Variants in NCAM1 observed in about 807,000 individuals in gnomAD.
The protein encoded by NCAM1 is antigen recognized by monoclonal antibody 5.1H11.
NCAM1 carries 14 observed loss-of-function variants against 109.8 expected under a neutral mutation model. The ratio of observed to expected loss-of-function variants is 0.13; its 90% CI spans 0.08 to 0.20. The LOEUF is 0.20. NCAM1 is among the 10% of genes least tolerant of loss of function. NCAM1 has a pLI of 1.00. For missense variants in NCAM1, 774 were observed against 1,109.9 expected, an observed-to-expected ratio of 0.70 and a Z score of 4.30; for synonymous variants, 418 against 442.9, an observed-to-expected ratio of 0.94 and a Z score of 0.70.
At chr11:113,117,202 G>A (rs1358017097) in intron 1 of NCAM1, among the ~76,000 whole-genome samples, 2 of 151,994 alleles carry the variant, frequency 1.3e-5, no homozygotes, top group Non-Finnish European at 2.9e-5. Flanking sequence ...AGCAAAAACT[G>A]TTATGAGGGA....
intron 1 of NCAM1, among the ~76,000 whole-genome samples, chr11:113,127,040 A>G (rs1462165756): frequency 6.6e-6 from 1 of 152,178 alleles, no homozygotes; most frequent in African/African-American, 2.4e-5. Context: ...CTATATTCCA[A>G]CATGGAACTC....
chr11:113,022,609 T>A (rs782017721), intron 1 of NCAM1, among the ~76,000 whole-genome samples: 1 of 152,172 alleles, frequency 6.6e-6, no homozygotes, highest in Non-Finnish European at 1.5e-5. Context: ...TGGTGTTAGT[T>A]AGGATTGGGT....
At chr11:113,265,716 T>C (rs1168275575) in intron 17 of NCAM1, among the ~76,000 whole-genome samples, 3 of 152,170 alleles carry the variant, frequency 2.0e-5, no homozygotes, top group Admixed American at 2.0e-4. Flanking sequence ...AAAGGGCTTA[T>C]GAGTGAACCA....
At chr11:113,275,234 T>A in intron 19 of NCAM1, 33 bp from the exon 20 acceptor site, 1 of 1,612,288 alleles carries the variant, frequency 6.2e-7, no homozygotes, top group Non-Finnish European at 8.5e-7. Flanking sequence ...CAGACCGTGG[T>A]CTCAGTGGTT....
intron 11 of NCAM1, 28 bp downstream of exon 11, chr11:113,232,382 C>T: frequency 1.3e-6 from 2 of 1,573,122 alleles, no homozygotes; most frequent in Non-Finnish European, 1.7e-6. Flanking sequence ...TGGGACAGAG[C>T]AGAGAAAGCA....
At chr11:113,180,325 C>T (rs575939238) in intron 1 of NCAM1, among the ~76,000 whole-genome samples, 4 of 152,306 alleles carry the variant, frequency 2.6e-5, no homozygotes, top group East Asian at 3.9e-4. Context: ...TTTAGCGCTA[C>T]AGGGGTATTG....
At chr11:113,145,833 A>AGCAAATAACCCTCTCCGGAG (rs1264965885) in intron 1 of NCAM1, among the ~76,000 whole-genome samples, 1 of 152,040 alleles carries the variant, frequency 6.6e-6, no homozygotes, top group East Asian at 1.9e-4. Flanking sequence ...CACATCTAAA[A>AGCAAATAACCCTCTCCGGAG]GCAAATAACC....
At chr11:113,258,245 A>C (rs782160297) in intron 16 of NCAM1, among the ~76,000 whole-genome samples, 23 of 152,242 alleles carry the variant, frequency 1.5e-4, no homozygotes, top group Admixed American at 6.5e-4. Context: ...TGGGCTGTGC[A>C]ATGGTGAAAC....
chr11:113,250,625 A>G (rs1462832522), intron 15 of NCAM1, among the ~76,000 whole-genome samples: 1 of 152,254 alleles, frequency 6.6e-6, no homozygotes, highest in African/African-American at 2.4e-5. Context: ...ATGATAAACA[A>G]AATGAACAGT....
intron 1 of NCAM1, among the ~76,000 whole-genome samples, chr11:113,177,779 A>G (rs537804347): frequency 6.6e-6 from 1 of 152,256 alleles, no homozygotes; most frequent in Admixed American, 6.5e-5. Flanking sequence ...TGTCATGGGC[A>G]GGGTCAGATT....
intron 1 of NCAM1, among the ~76,000 whole-genome samples, chr11:113,129,003 A>G (rs1171744713): frequency 1.3e-5 from 2 of 152,078 alleles, no homozygotes; most frequent in Admixed American, 1.3e-4. Flanking sequence ...GGGAGATTAT[A>G]TAGAGCAAAA....
At chr11:113,144,070 C>T (rs923702915) in intron 1 of NCAM1, among the ~76,000 whole-genome samples, 2 of 152,180 alleles carry the variant, frequency 1.3e-5, no homozygotes, top group Non-Finnish European at 2.9e-5. Context: ...GTGCGTGTTA[C>T]TGTGTAGCTG....
chr11:113,235,296 G>T, intron 14 of NCAM1, 132 bp downstream of exon 14: 2 of 1,569,500 alleles, frequency 1.3e-6, no homozygotes, highest in African/African-American at 1.3e-5. Flanking sequence ...TGCTCCTGGA[G>T]GCCCCACCTC....
At chr11:113,153,014 T>G (rs1439178818) in intron 1 of NCAM1, among the ~76,000 whole-genome samples, 2 of 152,072 alleles carry the variant, frequency 1.3e-5, no homozygotes, top group African/African-American at 4.8e-5. Context: ...CAGGTGAGGT[T>G]TATATGAGCC....
At chr11:113,275,163 C>G in intron 19 of NCAM1, 104 bp from the exon 20 acceptor site, 1 of 1,457,614 alleles carries the variant, frequency 6.9e-7, no homozygotes, top group Non-Finnish European at 9.2e-7. Flanking sequence ...GGTGCTGTCA[C>G]TGGAGAACCC....
chr11:113,153,036 A>G (rs1942282124), intron 1 of NCAM1, among the ~76,000 whole-genome samples: 1 of 142,696 alleles, frequency 7.0e-6, no homozygotes, highest in Non-Finnish European at 1.5e-5. Flanking sequence ...AAACTGCAGC[A>G]ATGTCTATAA....
intron 1 of NCAM1, among the ~76,000 whole-genome samples, chr11:113,057,120 A>G (rs1555082726): frequency 6.6e-6 from 1 of 152,192 alleles, no homozygotes; most frequent in Non-Finnish European, 1.5e-5. Context: ...AGGAGCAAAG[A>G]GGCAGGGGAC....
At chr11:113,040,348 G>A (rs1953031979) in intron 1 of NCAM1, among the ~76,000 whole-genome samples, 1 of 152,132 alleles carries the variant, frequency 6.6e-6, no homozygotes, top group Admixed American at 6.5e-5. Context: ...TGGTTGGGAT[G>A]TGATTGTCTG....
At chr11:113,125,496 C>G (rs1941137399) in intron 1 of NCAM1, among the ~76,000 whole-genome samples, 1 of 152,194 alleles carries the variant, frequency 6.6e-6, no homozygotes, top group African/African-American at 2.4e-5. Context: ...TATATCAAAA[C>G]TGCAGCAGAG....
Sources: gnomAD v4.1 joint callset for allele counts (sites outside exome capture counted in the v4.1 genomes callset) on GRCh38, gnomAD v4.1.1 for gene constraint, MANE v1.5 for transcripts, NCBI Gene and HGNC (gene_info 2026-07-23, HGNC 2026-07-21) for gene names.